The following CABIN1 variants were observed in gnomAD, a reference collection of about 807,000 sequenced individuals.
CABIN1 encodes the protein calcineurin-binding protein cabin-1.
A neutral mutation model predicts 227.7 loss-of-function variants in CABIN1; 133 were observed. The observed-to-expected ratio is 0.58, with a 90% CI of 0.51 to 0.67. The LOEUF is 0.67. Ranked by LOEUF, CABIN1 falls within the 30% of genes least tolerant of loss-of-function variation. The probability of loss-of-function intolerance (pLI) is 0.00; values close to 1 mark genes in which losing one functional copy is unlikely to be tolerated. For missense variants in CABIN1, 2,408 were observed against 2,852.5 expected (o/e 0.84, Z 3.55); for synonymous variants, 1,086 against 1,155.1 (o/e 0.94, Z 1.21).
intron 22 of CABIN1, among the ~76,000 whole-genome samples, chr22:24,086,700 A>G (rs577541959): frequency 7.9e-5 from 12 of 152,198 alleles, no homozygotes; most frequent in African/African-American, 2.9e-4. Context: ...CAGACTATCA[A>G]GTGCTCAGAG....
intron 27 of CABIN1, among the ~76,000 whole-genome samples, chr22:24,117,742 G>C (rs1238436717): frequency 6.6e-6 from 1 of 152,152 alleles, no homozygotes; most frequent in South Asian, 2.1e-4. Context: ...TAAAAATTGT[G>C]CTCTGTGTGT....
At chr22:24,056,483 A>G in intron 10 of CABIN1, 123 bp downstream of exon 10, 1 of 976,508 alleles carries the variant, frequency 1.0e-6, no homozygotes, top group African/African-American at 1.6e-5. Context: ...TTCCCATAAC[A>G]TCTGTGCAGA....
intron 3 of CABIN1, among the ~76,000 whole-genome samples, chr22:24,037,277 A>G (rs1337702162): frequency 6.6e-6 from 1 of 151,238 alleles, no homozygotes; most frequent in Non-Finnish European, 1.5e-5. Flanking sequence ...AAAAAAAAAA[A>G]AGAAAAGAAA....
chr22:24,125,935 T>A (rs1040296194), intron 28 of CABIN1, among the ~76,000 whole-genome samples: 1 of 152,238 alleles, frequency 6.6e-6, no homozygotes, highest in Non-Finnish European at 1.5e-5. Flanking sequence ...GCCCCCATAC[T>A]GGCTGCTGCT....
chr22:24,062,315 T>C (rs1452829688), intron 13 of CABIN1, among the ~76,000 whole-genome samples: 1 of 151,864 alleles, frequency 6.6e-6, no homozygotes, highest in African/African-American at 2.4e-5. Flanking sequence ...TTATGTATTA[T>C]GTAGCTTCAG....
intron 29 of CABIN1, among the ~76,000 whole-genome samples, chr22:24,146,426 G>A (rs925421574): frequency 3.3e-5 from 5 of 152,152 alleles, no homozygotes; most frequent in African/African-American, 1.2e-4. Flanking sequence ...CACAGCCCCC[G>A]TGTTCAGCCT....
intron 16 of CABIN1, among the ~76,000 whole-genome samples, chr22:24,069,763 G>A (rs1469035498): frequency 3.3e-5 from 5 of 152,204 alleles, no homozygotes; most frequent in East Asian, 1.9e-4. Flanking sequence ...AAATTGGGGG[G>A]GGTTTTGATC....
At chr22:24,071,497 T>C (rs959553948) in intron 17 of CABIN1, among the ~76,000 whole-genome samples, 11 of 151,906 alleles carry the variant, frequency 7.2e-5, no homozygotes, top group African/African-American at 2.4e-4. Flanking sequence ...CACTCTGGGC[T>C]CTCTCCTCAA....
intron 10 of CABIN1, among the ~76,000 whole-genome samples, chr22:24,058,102 G>A (rs2038934697): frequency 6.6e-6 from 1 of 152,166 alleles, no homozygotes; most frequent in Non-Finnish European, 1.5e-5. Flanking sequence ...CACAATCATA[G>A]CTCACTGTGG....
intron 18 of CABIN1, 150 bp downstream of exon 18, chr22:24,072,660 C>CAGA (rs2040176693): frequency 2.1e-6 from 2 of 962,922 alleles, no homozygotes; most frequent in Non-Finnish European, 3.2e-6. Context: ...TGGACAGAGG[C>CAGA]AGAAGTGTCC....
rs1035363311 is a variant in CABIN1 at position 24,144,563 on chromosome 22, C to G, written c.4746+10148C>G. ...AGCTCACAGTGTCTTTTGAGAAGGC[C>G]TGTGGTAGATGGGAAGATCATGGGC... On this transcript the variant is annotated intron_variant, in intron 29 of 36. Coordinates refer to ENST00000263119, the MANE Select transcript of CABIN1 (RefSeq NM_012295.4). 5.3e-5 allele frequency among the ~76,000 whole-genome samples: 8 copies of G among 152,262 alleles called. No individual in the cohort carries two copies. In the East Asian group the frequency reaches 1.5e-3, roughly 29 times the overall value.
At chr22:24,168,219 G>A (rs1159470872) in intron 32 of CABIN1, among the ~76,000 whole-genome samples, 3 of 152,246 alleles carry the variant, frequency 2.0e-5, no homozygotes, top group African/African-American at 7.2e-5. Flanking sequence ...CCTGGGAGAT[G>A]GATGGGCATC....
At chr22:24,066,575 C>T (rs567373695) in intron 15 of CABIN1, among the ~76,000 whole-genome samples, 58 of 152,332 alleles carry the variant, frequency 3.8e-4, no homozygotes, top group Admixed American at 8.5e-4. Context: ...GCCAGGGCTT[C>T]GTCAGGTCCT....
chr22:24,171,884 A>G lies in CABIN1; in HGVS notation c.5929A>G (p.Ile1977Val). ...TGCACTAGCTGCCGCCACAACTATT[A>G]TCACCTGCCCTCCGTCAGCATCAGC... ...RPALAAATTIITCPPSASAST... is the reference protein window; with the variant it reads ...RPALAAATTIVTCPPSASAST... The change falls in exon 34 of 37, where the codon ATC becomes GTC. Residue 1977 changes from isoleucine (I) to valine (V), a missense_variant. Transcript: ENST00000263119. 1 of 1,614,088 alleles carries G rather than the reference A, an allele frequency of 6.2e-7. No individual in the cohort carries two copies. The highest frequency in any genetic ancestry group is 1.1e-5 in the South Asian group (1 of 91,088).
At position 24,119,441 on chromosome 22, in the gene CABIN1, GA is replaced by G. The variant is rs1376226832; in HGVS notation, c.4378del (p.Thr1460ProfsTer61). The G allele has an allele frequency of 6.2e-7, 1 of 1,614,124 alleles. No individual in the cohort carries two copies. The highest frequency in any genetic ancestry group is 1.1e-5 in the South Asian group (1 of 91,092). On this transcript the variant is annotated frameshift_variant, in exon 28 of 37. Transcript: ENST00000263119. LOFTEE classifies it high-confidence loss of function. ...AEQGVQKPAAETPASACIPGK... is the reference protein window; with the variant it reads ...AEQGVQKPAAXTPASACIPGK... ...GCAAGGTGTCCAGAAGCCTGCTGCA[GA>G]AACCCCAGCCTCTGCTTGCATCCCT...
At chr22:24,116,157 C>T (rs531376281) in intron 27 of CABIN1, among the ~76,000 whole-genome samples, 6 of 152,136 alleles carry the variant, frequency 3.9e-5, no homozygotes, top group East Asian at 3.9e-4. Flanking sequence ...TTGCAGCTAG[C>T]GGAAGCTCAC....
rs912550604 is a variant in CABIN1, at chr22:24,156,382, C to G, written c.4747-8018C>G. Among the ~76,000 whole-genome samples the G allele has an allele frequency of 2.0e-5, 3 of 151,940 alleles. No individual in the cohort carries two copies. The South Asian group carries it at 6.2e-4, about 31-fold the overall frequency. On this transcript the variant is annotated intron_variant, in intron 29 of 36. Transcript: ENST00000263119. ...AGCGTCAGGTGGGCGGCCAAGCCGG[C>G]TTGGGCGGCGGCGCGCGGGGGCGGC... is the stretch of plus-strand genomic sequence containing the variant.
At chr22:24,031,542 C>G in intron 1 of CABIN1, among the ~76,000 whole-genome samples, 1 of 152,120 alleles carries the variant, frequency 6.6e-6, no homozygotes, top group East Asian at 1.9e-4. Context: ...CTGATTTTTA[C>G]AGTAAGATAG....
At chr22:24,077,292 G>T (rs937424118) in intron 19 of CABIN1, among the ~76,000 whole-genome samples, 1 of 152,166 alleles carries the variant, frequency 6.6e-6, no homozygotes, top group Non-Finnish European at 1.5e-5. Flanking sequence ...TTTAGAGAGA[G>T]TAGGGGGTTT....
Sources: allele counts gnomAD v4.1 joint callset (sites outside exome capture counted in the v4.1 genomes callset), GRCh38; gene constraint gnomAD v4.1.1; transcripts MANE v1.5; gene names NCBI Gene and HGNC (gene_info 2026-07-23, HGNC 2026-07-21).